The following RXRG variants were observed in gnomAD, a reference collection of about 807,000 sequenced individuals.
The protein encoded by RXRG is retinoid X receptor gamma.
RXRG carries 19 observed loss-of-function variants against 49.2 expected under a neutral mutation model. The ratio of observed to expected loss-of-function variants is 0.39; its 90% CI spans 0.27 to 0.57. The LOEUF (loss-of-function observed/expected upper bound fraction) is 0.57, where lower values mean the gene tolerates loss of function less well. RXRG is among the 20% of genes least tolerant of loss of function. RXRG has a pLI of 0.64. For synonymous variants in RXRG, 224 were observed against 216.6 expected, an observed-to-expected ratio of 1.03 and a Z score of -0.30; for missense variants, 452 against 592.5, an observed-to-expected ratio of 0.76 and a Z score of 2.46.
At chr1:165,404,150 G>C (rs1657669868) in intron 9 of RXRG, among the ~76,000 whole-genome samples, 1 of 152,158 alleles carries the variant, frequency 6.6e-6, no homozygotes, top group South Asian at 2.1e-4. Context: ...AGGTTCTGCG[G>C]ACCAGAGGTG....
intron 4 of RXRG, among the ~76,000 whole-genome samples, chr1:165,412,542 A>G (rs764374503): frequency 6.6e-6 from 1 of 152,256 alleles, no homozygotes; most frequent in Non-Finnish European, 1.5e-5. Context: ...AGTAAGCCCC[A>G]GATCCCTTAT....
At chr1:165,424,902 T>TCAG (rs1455464715) in intron 2 of RXRG, 2 of 985,542 alleles carry the variant, frequency 2.0e-6, no homozygotes, top group Admixed American at 6.1e-5. Context: ...TTTTCCAGTG[T>TCAG]CATCTCGTTA....
At chr1:165,423,018 C>A (rs955489970) in intron 2 of RXRG, among the ~76,000 whole-genome samples, 1 of 152,220 alleles carries the variant, frequency 6.6e-6, no homozygotes, top group Non-Finnish European at 1.5e-5. Flanking sequence ...TGCTTTGGGG[C>A]ACTTTCTCCC....
At chr1:165,420,443 G>A (rs1007996287) in intron 2 of RXRG, among the ~76,000 whole-genome samples, 1 of 152,140 alleles carries the variant, frequency 6.6e-6, no homozygotes, top group Non-Finnish European at 1.5e-5. Context: ...CTCTAAGAGA[G>A]CCAAGCAAAA....
intron 6 of RXRG, 105 bp downstream of exon 6, chr1:165,410,597 G>T (rs1657911951): frequency 7.8e-7 from 1 of 1,274,696 alleles, no homozygotes; most frequent in East Asian, 2.4e-5. Flanking sequence ...TCATCAGCAT[G>T]GTACATAGCT....
intron 8 of RXRG, among the ~76,000 whole-genome samples, chr1:165,407,981 C>G (rs561575163): frequency 6.6e-6 from 1 of 152,254 alleles, no homozygotes; most frequent in South Asian, 2.1e-4. Context: ...TTTTTACCAC[C>G]CCCTTCACTG....
intron 2 of RXRG, among the ~76,000 whole-genome samples, chr1:165,423,210 A>G (rs1269544333): frequency 6.6e-6 from 1 of 152,162 alleles, no homozygotes; most frequent in East Asian, 1.9e-4. Flanking sequence ...GCATAAACCC[A>G]TTAGCTGCCT....
chr1:165,439,103 TA>T (rs1372743182), intron 1 of RXRG, among the ~76,000 whole-genome samples: 3 of 152,150 alleles, frequency 2.0e-5, no homozygotes, highest in African/African-American at 7.2e-5. Flanking sequence ...AATTTAAAAG[TA>T]ATCTGCCAAC....
At chr1:165,414,322 C>T (rs1658055173) in intron 4 of RXRG, among the ~76,000 whole-genome samples, 1 of 152,176 alleles carries the variant, frequency 6.6e-6, no homozygotes, top group East Asian at 1.9e-4. Context: ...GTACCCAAAC[C>T]ATAGAAGTGT....
intron 7 of RXRG, 116 bp downstream of exon 7, chr1:165,409,442 T>C (rs1251781565): frequency 2.5e-6 from 3 of 1,219,938 alleles, no homozygotes; most frequent in Non-Finnish European, 3.1e-6. Flanking sequence ...ATCCCAGCAC[T>C]ACCCAGAGGT....
intron 5 of RXRG, 44 bp from the exon 6 acceptor site, chr1:165,410,875 C>G (rs756235340): frequency 1.9e-5 from 30 of 1,613,484 alleles, no homozygotes; most frequent in Non-Finnish European, 1.5e-5. Flanking sequence ...TCCCAGGACT[C>G]AAATACACCC....
At chr1:165,415,829 T>C (rs144087590) in intron 4 of RXRG, among the ~76,000 whole-genome samples, 5 of 152,286 alleles carry the variant, frequency 3.3e-5, no homozygotes, top group African/African-American at 1.2e-4. Flanking sequence ...CCATCTTCAG[T>C]TCCTTCACAA....
In RXRG at chr1:165,427,247, T is replaced by C. The variant is rs552860869; in HGVS notation, c.297+1472A>G. 9.8e-5 allele frequency among the ~76,000 whole-genome samples: 15 copies of C among 152,338 alleles called. 1 individual carries two copies. In the South Asian group the frequency reaches 2.7e-3, roughly 27 times the overall value. On this transcript the variant is annotated intron_variant, in intron 2 of 9. Coordinates refer to ENST00000359842, the MANE Select transcript of RXRG (RefSeq NM_006917.5). ...GGGGCAGCAGGGACTCTGGCTGTTA[T>C]ACAGGGAGAGAAGAAGCTGTGGCAG...
chr1:165,418,716 C>A lies in RXRG; in HGVS notation c.442+1154G>T, dbSNP rs555513363. ...TATTTGTCTTAGAGAAATATGGGAC[C>A]AATTTTTCAACTGTGTGACATAGTC... On this transcript the variant is annotated intron_variant, in intron 3 of 9. Coordinates refer to ENST00000359842, the MANE Select transcript of RXRG (RefSeq NM_006917.5). 7.9e-5 allele frequency among the ~76,000 whole-genome samples: 12 copies of A among 152,282 alleles called. No homozygotes were observed. The East Asian group carries it at 1.3e-3, about 17-fold the overall frequency.
chr1:165,410,914 A>G lies in RXRG; in HGVS notation c.783+35T>C, dbSNP rs778512009. On this transcript the variant is annotated intron_variant, in intron 5 of 9. Coordinates refer to ENST00000359842, the MANE Select transcript of RXRG (RefSeq NM_006917.5). ...TCTCCCATTTCCAGCCCTACCCAAG[A>G]AATGGAACACACATGTGTGTCTAAG... 15 of 1,613,438 alleles carry G rather than the reference A, an allele frequency of 9.3e-6. No individual in the cohort carries two copies. The East Asian group carries it at 3.1e-4, about 34-fold the overall frequency.
intron 3 of RXRG, among the ~76,000 whole-genome samples, chr1:165,419,219 A>G (rs576082054): frequency 2.6e-5 from 4 of 152,206 alleles, no homozygotes; most frequent in Non-Finnish European, 5.9e-5. Flanking sequence ...ATAAAAGCAT[A>G]TTGAAAATCT....
intron 3 of RXRG, among the ~76,000 whole-genome samples, chr1:165,419,181 GT>G (rs1395053409): frequency 6.6e-6 from 1 of 152,178 alleles, no homozygotes; most frequent in African/African-American, 2.4e-5. Context: ...TCAAAGATAA[GT>G]TGGTGAAAAC....
chr1:165,428,777 G>C lies in RXRG; in HGVS notation c.239C>G (p.Pro80Arg). The C allele has an allele frequency of 1.2e-6, 2 of 1,611,934 alleles. No homozygotes were observed. Among genetic ancestry groups the C allele is most frequent in the Non-Finnish European group, 1.7e-6 (2 of 1,178,288 alleles). The part of the protein sequence containing the change: ...YRVITSAMGP[P>R]SGALAAPPGI... ...TGGAGGCGCTGCAAGTGCTCCTGAG[G>C]GTGGGCCCATGGCAGAGGTGATGAC... Residue 80 changes from proline (P) to arginine (R), a missense_variant, in exon 2 of 10, where the codon CCC becomes CGC. This residue lies in a region of RXRG where 166 missense variants were observed against 151.7 expected (regional missense o/e 1.09). Coordinates refer to ENST00000359842, the MANE Select transcript of RXRG (RefSeq NM_006917.5).
At chr1:165,423,165 A>G (rs1002630461) in intron 2 of RXRG, among the ~76,000 whole-genome samples, 2 of 152,190 alleles carry the variant, frequency 1.3e-5, no homozygotes. Context: ...TTGGGCTCAG[A>G]GCAATGGCAG....
Sources: gnomAD v4.1 joint callset for allele counts (sites outside exome capture counted in the v4.1 genomes callset) on GRCh38, gnomAD v4.1.1 for gene constraint, gnomAD v4.1.1 regional missense constraint, MANE v1.5 for transcripts, NCBI Gene and HGNC (gene_info 2026-07-23, HGNC 2026-07-21) for gene names.